The following EDA variants were observed in gnomAD, a reference collection of about 807,000 sequenced individuals.
EDA encodes ectodysplasin-A.
Under a neutral mutation model 23.6 loss-of-function variants are expected in EDA, and 2 were observed. The ratio of observed to expected loss-of-function variants is 0.08; its 90% CI spans 0.03 to 0.27. The LOEUF (loss-of-function observed/expected upper bound fraction) is 0.27. Among genes scored for constraint, EDA ranks in the 10% least tolerant of loss-of-function variants. EDA has a pLI of 1.00. For missense variants in EDA, 229 were observed against 324.2 expected (o/e 0.71, Z 2.26); for synonymous variants, 131 against 132.0 (o/e 0.99, Z 0.05).
At chrX:69,977,434 A>G (rs1332403560) in intron 2 of EDA, among the ~76,000 whole-genome samples, 1 of 112,003 alleles carries the variant, frequency 8.9e-6, no homozygotes, top group East Asian at 2.8e-4. Flanking sequence ...GACCATGTCT[A>G]GGTCTAATTC....
chrX:69,844,144 G>A (rs186883632), intron 1 of EDA, among the ~76,000 whole-genome samples: 6 of 111,246 alleles, frequency 5.4e-5, no homozygotes, highest in East Asian at 5.7e-4. Context: ...AGACTACAGC[G>A]AATTTTTAAT....
At chrX:69,684,296 C>G (rs759308972) in intron 1 of EDA, among the ~76,000 whole-genome samples, 2 of 111,242 alleles carry the variant, frequency 1.8e-5, no homozygotes, top group Non-Finnish European at 3.8e-5. Context: ...ACAGAAAAAC[C>G]GAAAAACAAA....
chrX:69,789,214 C>G (rs1047640741), intron 1 of EDA, among the ~76,000 whole-genome samples: 3 of 111,938 alleles, frequency 2.7e-5, no homozygotes, highest in Admixed American at 1.9e-4. Flanking sequence ...GTGAGATGAA[C>G]CCGGTACCTC....
At chrX:69,708,239 G>A (rs937313402) in intron 1 of EDA, among the ~76,000 whole-genome samples, 3 of 112,161 alleles carry the variant, frequency 2.7e-5, no homozygotes, top group East Asian at 2.8e-4. Context: ...ATTTATGGAC[G>A]AAAAACTGAG....
intron 1 of EDA, among the ~76,000 whole-genome samples, chrX:69,868,870 G>C (rs1350510886): frequency 8.9e-6 from 1 of 112,030 alleles, no homozygotes; most frequent in Non-Finnish European, 1.9e-5. Context: ...TGGTACAACA[G>C]CTGCAATTGG....
At chrX:69,817,401 C>T (rs748382878) in intron 1 of EDA, among the ~76,000 whole-genome samples, 2 of 111,066 alleles carry the variant, frequency 1.8e-5, no homozygotes, top group Admixed American at 9.6e-5. Context: ...GACTGAATTC[C>T]CCAATTAAAA....
chrX:69,755,400 T>C (rs938381466), intron 1 of EDA, among the ~76,000 whole-genome samples: 1 of 111,566 alleles, frequency 9.0e-6, no homozygotes, highest in Admixed American at 9.5e-5. Context: ...ATGGAAAATG[T>C]TGCTGCCTGA....
intron 1 of EDA, among the ~76,000 whole-genome samples, chrX:69,691,849 T>G (rs2147298552): frequency 8.9e-6 from 1 of 112,032 alleles, no homozygotes; most frequent in East Asian, 2.8e-4. Context: ...GTATATAATT[T>G]ATTCAAGTAA....
chrX:69,803,046 T>C (rs1403636290), intron 1 of EDA, among the ~76,000 whole-genome samples: 1 of 111,160 alleles, frequency 9.0e-6, no homozygotes, highest in Non-Finnish European at 1.9e-5. Flanking sequence ...CTGTAGTTGC[T>C]AGGTTTTTTT....
intron 1 of EDA, among the ~76,000 whole-genome samples, chrX:69,928,119 C>T (rs978370991): frequency 6.3e-5 from 7 of 110,944 alleles, no homozygotes; most frequent in Admixed American, 2.9e-4. Context: ...TGCTTTAACC[C>T]TTTTGTACAT....
At chrX:69,840,343 T>TA (rs1319579006) in intron 1 of EDA, among the ~76,000 whole-genome samples, 1 of 111,809 alleles carries the variant, frequency 8.9e-6, no homozygotes, top group East Asian at 2.8e-4. Context: ...TATTTTTTCT[T>TA]ACTTCTTGTC....
At chrX:69,756,461 T>C (rs2014123291) in intron 1 of EDA, among the ~76,000 whole-genome samples, 1 of 111,787 alleles carries the variant, frequency 8.9e-6, no homozygotes, top group Non-Finnish European at 1.9e-5. Context: ...TTATTCCTTC[T>C]GTGGAGTAGA....
intron 1 of EDA, among the ~76,000 whole-genome samples, chrX:69,783,880 A>G: frequency 9.7e-6 from 1 of 103,281 alleles, no homozygotes; most frequent in Admixed American, 1.0e-4. Context: ...GACTTCCACA[A>G]TGGTTGAACT....
intron 2 of EDA, among the ~76,000 whole-genome samples, chrX:70,019,141 G>A (rs1008293242): frequency 1.8e-4 from 20 of 111,748 alleles, no homozygotes; most frequent in Admixed American, 9.5e-5. Context: ...AACTAAATGA[G>A]ATACCATCTC....
At chrX:69,938,140 C>T in intron 1 of EDA, 1 of 690,415 alleles carries the variant, frequency 1.4e-6, no homozygotes, top group Non-Finnish European at 2.1e-6. Context: ...CACTCCTCCT[C>T]CTCCCCCTGG....
At chrX:70,019,920 G>A (rs1321204830) in intron 2 of EDA, among the ~76,000 whole-genome samples, 1 of 111,741 alleles carries the variant, frequency 8.9e-6, no homozygotes, top group Non-Finnish European at 1.9e-5. Flanking sequence ...ATGACTTTGA[G>A]CCCTGTTTCT....
At chrX:70,032,442 C>G (rs2020212510) in intron 6 of EDA, among the ~76,000 whole-genome samples, 1 of 111,139 alleles carries the variant, frequency 9.0e-6, no homozygotes, top group Non-Finnish European at 1.9e-5. Flanking sequence ...GGCAGGCCTA[C>G]TGAAACTGGC....
intron 1 of EDA, among the ~76,000 whole-genome samples, chrX:69,915,023 T>C (rs1034458241): frequency 5.3e-5 from 6 of 112,344 alleles, no homozygotes; most frequent in Admixed American, 9.5e-5. Flanking sequence ...GAATGGTTTT[T>C]GAGGCTTTAA....
At chrX:69,653,405 A>G (rs979551544) in intron 1 of EDA, among the ~76,000 whole-genome samples, 9 of 111,421 alleles carry the variant, frequency 8.1e-5, no homozygotes, top group African/African-American at 1.6e-4. Context: ...TAGATATACA[A>G]TCATGTCATC....
Sources: gnomAD v4.1 joint callset for allele counts (sites outside exome capture counted in the v4.1 genomes callset) on GRCh38, gnomAD v4.1.1 for gene constraint, MANE v1.5 for transcripts, NCBI Gene and HGNC (gene_info 2026-07-23, HGNC 2026-07-21) for gene names.